The following RALGAPA2 variants were observed in gnomAD, a reference collection of about 807,000 sequenced individuals.
The protein encoded by RALGAPA2 is Ral GTPase activating protein catalytic subunit alpha 2.
Under a neutral mutation model 230.4 loss-of-function variants are expected in RALGAPA2, and 139 were observed. That is an observed-to-expected ratio of 0.60 (90% CI 0.53 to 0.69). RALGAPA2 has a LOEUF of 0.69. Among genes scored for constraint, RALGAPA2 ranks in the 30% least tolerant of loss-of-function variants. The pLI, the probability that RALGAPA2 is intolerant of heterozygous loss-of-function variation, is 0.00. For synonymous variants in RALGAPA2, 847 were observed against 837.8 expected, an observed-to-expected ratio of 1.01 and a Z score of -0.19; for missense variants, 2,163 against 2,276.0, an observed-to-expected ratio of 0.95 and a Z score of 1.01.
intron 35 of RALGAPA2, among the ~76,000 whole-genome samples, chr20:20,502,250 T>C (rs749890372): frequency 1.3e-5 from 2 of 152,118 alleles, no homozygotes; most frequent in African/African-American, 4.8e-5. Flanking sequence ...AGTCCAGACA[T>C]CTGTGGCTGC....
intron 37 of RALGAPA2, among the ~76,000 whole-genome samples, chr20:20,445,868 A>C (rs529211896): frequency 3.9e-5 from 6 of 152,360 alleles, no homozygotes; most frequent in Admixed American, 1.3e-4. Context: ...ATTTGAACTC[A>C]AAAGCATTTT....
chr20:20,480,455 G>A (rs1026101511), intron 36 of RALGAPA2, among the ~76,000 whole-genome samples: 10 of 152,182 alleles, frequency 6.6e-5, no homozygotes, highest in African/African-American at 2.2e-4. Context: ...ATAAGGTATG[G>A]TATGTCCTTT....
chr20:20,545,542 A>C (rs1158986098), intron 24 of RALGAPA2, among the ~76,000 whole-genome samples: 1 of 152,228 alleles, frequency 6.6e-6, no homozygotes, highest in African/African-American at 2.4e-5. Flanking sequence ...GTTTGAATTT[A>C]CCCTGCAAAG....
At chr20:20,635,949 A>C (rs2066844974) in intron 8 of RALGAPA2, among the ~76,000 whole-genome samples, 1 of 152,240 alleles carries the variant, frequency 6.6e-6, no homozygotes, top group Non-Finnish European at 1.5e-5. Context: ...CATTATACCT[A>C]ATTTAATTTT....
At chr20:20,477,289 A>G (rs780384659) in intron 36 of RALGAPA2, among the ~76,000 whole-genome samples, 12 of 152,248 alleles carry the variant, frequency 7.9e-5, no homozygotes, top group Non-Finnish European at 1.5e-4. Flanking sequence ...CAAACTCATC[A>G]TAATGGAAAC....
chr20:20,467,776 G>A lies in RALGAPA2; in HGVS notation c.5495+5053C>T, dbSNP rs191447954. Among the ~76,000 whole-genome samples the A allele has an allele frequency of 5.3e-5, 8 of 152,252 alleles. No individual in the cohort carries two copies. In the East Asian group the frequency reaches 1.4e-3, roughly 26 times the overall value. Reference sequence around the variant, plus strand: ...TGATGTGAGTATTTTAACTATGAACGCATCAGAGAACGCAACCTTGTGCAG... The same window carrying A: ...TGATGTGAGTATTTTAACTATGAACACATCAGAGAACGCAACCTTGTGCAG... On this transcript the variant is annotated intron_variant, in intron 37 of 39. Coordinates refer to ENST00000202677, the MANE Select transcript of RALGAPA2 (RefSeq NM_020343.4).
chr20:20,558,592 T>C (rs1312330848), intron 23 of RALGAPA2, among the ~76,000 whole-genome samples: 2 of 152,030 alleles, frequency 1.3e-5, no homozygotes, highest in Non-Finnish European at 2.9e-5. Flanking sequence ...CGGAAATTAC[T>C]GGGCATGGGG....
chr20:20,457,932 G>A (rs2061161923), intron 37 of RALGAPA2, among the ~76,000 whole-genome samples: 1 of 152,200 alleles, frequency 6.6e-6, no homozygotes, highest in Non-Finnish European at 1.5e-5. Flanking sequence ...GAGGCAGGGG[G>A]CATGGAGGGC....
At chr20:20,505,818 C>T (rs1336912286) in intron 33 of RALGAPA2, among the ~76,000 whole-genome samples, 1 of 152,268 alleles carries the variant, frequency 6.6e-6, no homozygotes, top group South Asian at 2.1e-4. Context: ...TGGGAACTGT[C>T]GCAAGGCCAT....
In RALGAPA2 at chr20:20,513,115, A is replaced by G; in HGVS notation, c.4254T>C (p.Phe1418=). The G allele has an allele frequency of 6.3e-7, 1 of 1,588,304 alleles. No homozygotes were observed. The highest frequency in any genetic ancestry group is 8.6e-7 in the Non-Finnish European group (1 of 1,168,818). ...GCAGGTTTGGACTTCTGAACACCTC[A>G]AAGGACAGCTCGGAGCCTTCCACAT... ...NAHVEGSELS[F]EVFRSPNLQL... The change falls in exon 32 of 40, where the codon TTT becomes TTC. Residue 1418 remains phenylalanine (F), a synonymous_variant. Transcript: ENST00000202677.
intron 3 of RALGAPA2, among the ~76,000 whole-genome samples, chr20:20,660,627 T>C (rs550659799): frequency 2.0e-5 from 3 of 152,274 alleles, no homozygotes; most frequent in Non-Finnish European, 4.4e-5. Flanking sequence ...CTCATGAAGT[T>C]TGACAGTAAA....
intron 11 of RALGAPA2, 132 bp downstream of exon 11, chr20:20,620,331 A>G: frequency 1.1e-6 from 1 of 914,124 alleles, no homozygotes; most frequent in Middle Eastern, 3.2e-4. Flanking sequence ...GAACTCAGCA[A>G]CTCAGAAGCA....
At chr20:20,603,615 T>G (rs1022342481) in intron 15 of RALGAPA2, among the ~76,000 whole-genome samples, 1 of 152,152 alleles carries the variant, frequency 6.6e-6, no homozygotes, top group Non-Finnish European at 1.5e-5. Flanking sequence ...CTGAAACACG[T>G]GGCCCAGTCA....
At chr20:20,512,236 C>CAT (rs1248252842) in intron 32 of RALGAPA2, among the ~76,000 whole-genome samples, 5 of 145,796 alleles carry the variant, frequency 3.4e-5, no homozygotes, top group African/African-American at 1.3e-4. Context: ...CACACACACA[C>CAT]ACATACACAC....
chr20:20,495,015 A>G lies in RALGAPA2; in HGVS notation c.5367+102T>C, dbSNP rs1252835907. On this transcript the variant is annotated intron_variant, in intron 36 of 39. Transcript: ENST00000202677. ...TATATGTAAGACATTCAACAACTGGATGAGAGTCCCCTTTAACATATTTGT... is the reference window on the plus strand; with the variant it reads ...TATATGTAAGACATTCAACAACTGGGTGAGAGTCCCCTTTAACATATTTGT... 3.7e-6 allele frequency: 4 copies of G among 1,084,436 alleles called. No individual in the cohort carries two copies. The Admixed American group carries it at 9.1e-5, about 25-fold the overall frequency. The allele number at this position is 1,084,436 out of a possible 1,614,324, so 67.2% of individuals were successfully genotyped here. A position where few individuals can be genotyped will look rare whatever the true frequency, so the allele number is the denominator to read the frequency against.
At position 20,619,318 on chromosome 20, in the gene RALGAPA2, C is replaced by T; in HGVS notation, c.1498G>A (p.Glu500Lys). 1 of 1,611,198 alleles carries T rather than the reference C, an allele frequency of 6.2e-7. No homozygotes were observed. Among genetic ancestry groups the T allele is most frequent in the South Asian group, 1.1e-5 (1 of 90,612 alleles). ...ACGCCGGCTTTCACATTTGTATTTT[C>T]CTCCTCTGTCACACACCCTCTGCTC... ...AMSRGCVTEE[E>K]NTNVKAGVQA... Residue 500 changes from glutamate to lysine, a missense_variant, in exon 12 of 40, where the codon GAA becomes AAA. Transcript: ENST00000202677.
chr20:20,589,203 A>C, intron 18 of RALGAPA2, 65 bp downstream of exon 18: 1 of 1,452,208 alleles, frequency 6.9e-7, no homozygotes, highest in Non-Finnish European at 9.1e-7. Context: ...CAATAAATTT[A>C]CTTACTGAGC....
At chr20:20,710,292 C>G (rs894264896) in intron 1 of RALGAPA2, among the ~76,000 whole-genome samples, 7 of 152,184 alleles carry the variant, frequency 4.6e-5, no homozygotes, top group Non-Finnish European at 8.8e-5. Flanking sequence ...TGGCTTAATT[C>G]CTAACTTTCA....
intron 20 of RALGAPA2, among the ~76,000 whole-genome samples, chr20:20,579,996 A>T (rs1462269094): frequency 6.6e-6 from 1 of 152,222 alleles, no homozygotes; most frequent in Non-Finnish European, 1.5e-5. Flanking sequence ...CTATTAGGAT[A>T]AATGTTGTGT....
Sources: gnomAD v4.1 joint callset for allele counts (sites outside exome capture counted in the v4.1 genomes callset) on GRCh38, gnomAD v4.1.1 for gene constraint, MANE v1.5 for transcripts, NCBI Gene and HGNC (gene_info 2026-07-23, HGNC 2026-07-21) for gene names.